EIF4G3: variants seen among roughly 807,000 people sequenced by gnomAD.
The protein encoded by EIF4G3 is eukaryotic translation initiation factor 4 gamma 3.
Under a neutral mutation model 186.4 loss-of-function variants are expected in EIF4G3, and 34 were observed. The ratio of observed to expected loss-of-function variants is 0.18; its 90% CI spans 0.14 to 0.24. The LOEUF (loss-of-function observed/expected upper bound fraction) is 0.24. Ranked by LOEUF, EIF4G3 falls within the 10% of genes least tolerant of loss-of-function variation. The pLI, the probability that EIF4G3 is intolerant of heterozygous loss-of-function variation, is 1.00. For missense variants in EIF4G3, 1,536 were observed against 1,948.5 expected, an observed-to-expected ratio of 0.79 and a Z score of 3.99; for synonymous variants, 673 against 679.5, an observed-to-expected ratio of 0.99 and a Z score of 0.15.
chr1:20,970,301 G>A (rs945062633), intron 11 of EIF4G3, among the ~76,000 whole-genome samples: 1 of 152,142 alleles, frequency 6.6e-6, no homozygotes, highest in South Asian at 2.1e-4. Context: ...GGTTGATCGA[G>A]AACAGAATAG....
chr1:20,867,267 G>C (rs868419151), intron 20 of EIF4G3, among the ~76,000 whole-genome samples: 1 of 152,234 alleles, frequency 6.6e-6, no homozygotes, highest in South Asian at 2.1e-4. Flanking sequence ...GAAATCGAAA[G>C]AGTGCTGGAA....
intron 2 of EIF4G3, among the ~76,000 whole-genome samples, chr1:21,121,770 G>A (rs540146859): frequency 1.9e-4 from 28 of 144,194 alleles, no homozygotes; most frequent in African/African-American, 6.7e-4. Flanking sequence ...GCAAGACTCC[G>A]TCTCAAAAAA....
intron 3 of EIF4G3, among the ~76,000 whole-genome samples, chr1:21,055,922 AAAG>A (rs1204518811): frequency 1.3e-5 from 2 of 152,184 alleles, no homozygotes; most frequent in Non-Finnish European, 2.9e-5. Context: ...GACATATACT[AAAG>A]AATACTGAAA....
chr1:20,951,849 A>C (rs2096237150), intron 12 of EIF4G3, among the ~76,000 whole-genome samples: 1 of 152,156 alleles, frequency 6.6e-6, no homozygotes, highest in South Asian at 2.1e-4. Flanking sequence ...AGAGTCAATG[A>C]TTTTTCCATC....
At chr1:21,169,573 TA>T (rs1408314050) in intron 2 of EIF4G3, 1 of 152,228 alleles carries the variant, frequency 6.6e-6, no homozygotes, top group Admixed American at 6.5e-5. Context: ...CTTGCTCTTA[TA>T]ATCATAAGTT....
intron 3 of EIF4G3, among the ~76,000 whole-genome samples, chr1:21,087,990 G>A (rs2096054013): frequency 1.3e-5 from 2 of 152,118 alleles, no homozygotes; most frequent in South Asian, 4.1e-4. Context: ...CAGTTACTTG[G>A]GAGGCTGAGG....
intron 3 of EIF4G3, among the ~76,000 whole-genome samples, chr1:21,071,429 A>C (rs965957234): frequency 1.5e-4 from 23 of 152,180 alleles, no homozygotes; most frequent in Non-Finnish European, 3.1e-4. Flanking sequence ...AAAACCAAAG[A>C]GAAACACATC....
intron 12 of EIF4G3, among the ~76,000 whole-genome samples, chr1:20,950,778 G>A (rs2096176622): frequency 1.3e-5 from 2 of 152,138 alleles, no homozygotes; most frequent in Admixed American, 1.3e-4. Flanking sequence ...CTCAGGCATT[G>A]TATTAGAATG....
intron 4 of EIF4G3, among the ~76,000 whole-genome samples, chr1:21,049,432 A>T (rs2094089566): frequency 6.6e-6 from 1 of 152,210 alleles, no homozygotes; most frequent in African/African-American, 2.4e-5. Context: ...GGTTGTGTTC[A>T]GTCTAAGAAA....
intron 14 of EIF4G3, among the ~76,000 whole-genome samples, chr1:20,909,598 A>T (rs1389034600): frequency 1.3e-5 from 2 of 152,270 alleles, no homozygotes; most frequent in Non-Finnish European, 2.9e-5. Context: ...TCCGAGATTT[A>T]AAAAGCATAA....
At chr1:21,006,197 G>A (rs2085033724) in intron 4 of EIF4G3, among the ~76,000 whole-genome samples, 1 of 152,076 alleles carries the variant, frequency 6.6e-6, no homozygotes, top group Non-Finnish European at 1.5e-5. Flanking sequence ...CTACTCTTTT[G>A]ATCTCTTCTC....
At chr1:21,174,044 CT>C (rs2098047633) in intron 2 of EIF4G3, among the ~76,000 whole-genome samples, 1 of 152,058 alleles carries the variant, frequency 6.6e-6, no homozygotes, top group South Asian at 2.1e-4. Flanking sequence ...CAATTGTAAC[CT>C]TTCAGTGTGT....
At chr1:20,961,687 G>A (rs754531758) in intron 12 of EIF4G3, among the ~76,000 whole-genome samples, 2 of 152,014 alleles carry the variant, frequency 1.3e-5, no homozygotes, top group East Asian at 3.9e-4. Context: ...TCATCATGAC[G>A]AACAGAGAAT....
chr1:21,085,990 C>T (rs2101019411), intron 3 of EIF4G3, among the ~76,000 whole-genome samples: 1 of 152,140 alleles, frequency 6.6e-6, no homozygotes, highest in Middle Eastern at 3.4e-3. Flanking sequence ...TCGCGCCTGG[C>T]CCAAAGGTTA....
chr1:20,839,701 C>T (rs908842286), intron 30 of EIF4G3, among the ~76,000 whole-genome samples: 8 of 150,972 alleles, frequency 5.3e-5, no homozygotes, highest in African/African-American at 1.7e-4. Context: ...TTGGCCGTGG[C>T]TGGTTTCAGA....
chr1:21,025,164 C>CCAG (rs1158851753), intron 4 of EIF4G3, among the ~76,000 whole-genome samples: 3 of 151,976 alleles, frequency 2.0e-5, no homozygotes, highest in Non-Finnish European at 4.4e-5. Flanking sequence ...GTCAGTAATG[C>CCAG]CAGAGAATAG....
chr1:21,165,606 TA>T (rs1463506943), intron 2 of EIF4G3, among the ~76,000 whole-genome samples: 2 of 152,046 alleles, frequency 1.3e-5, no homozygotes, highest in Admixed American at 6.5e-5. Flanking sequence ...TCCATTTACG[TA>T]AAAAGTTCAA....
chr1:21,119,733 T>C (rs1216055670), intron 2 of EIF4G3, among the ~76,000 whole-genome samples: 1 of 152,154 alleles, frequency 6.6e-6, no homozygotes, highest in Non-Finnish European at 1.5e-5. Flanking sequence ...AAAACATTTA[T>C]ATAGTACGGA....
chr1:20,893,580 T>C lies in EIF4G3; in HGVS notation c.2190A>G (p.Gly730=), dbSNP rs2086852212. Residue 730 remains glycine, a synonymous_variant, in exon 18 of 37, where the codon GGA becomes GGG. Coordinates refer to ENST00000602326, the MANE Select transcript of EIF4G3 (RefSeq NM_001391906.1). ...RTLDPRILPR[G]PDFTPAFADF... ...CAGCAAAGGCTGGTGTAAAGTCTGG[T>C]CCTCGAGGCAAAATTCGAGGATCCA... 6.3e-7 allele frequency: 1 copy of C among 1,595,966 alleles called. No homozygotes were observed. Among genetic ancestry groups the C allele is most frequent in the Non-Finnish European group, 8.6e-7 (1 of 1,166,452 alleles).
Sources: allele counts gnomAD v4.1 joint callset (sites outside exome capture counted in the v4.1 genomes callset), GRCh38; gene constraint gnomAD v4.1.1; transcripts MANE v1.5; gene names NCBI Gene and HGNC (gene_info 2026-07-23, HGNC 2026-07-21).